THSD4: variants seen among roughly 807,000 people sequenced by gnomAD.
The protein encoded by THSD4 is thrombospondin type-1 domain-containing protein 4.
Under a neutral mutation model 119.0 loss-of-function variants are expected in THSD4, and 69 were observed. That is an observed-to-expected ratio of 0.58 (90% CI 0.48 to 0.71). The LOEUF (loss-of-function observed/expected upper bound fraction) is 0.71, where lower values mean the gene tolerates loss of function less well. Ranked by LOEUF, THSD4 falls within the 30% of genes least tolerant of loss-of-function variation. THSD4 has a pLI of 0.00. For missense variants in THSD4, 1,393 were observed against 1,391.1 expected, an observed-to-expected ratio of 1.00 and a Z score of -0.02; for synonymous variants, 524 against 540.4, an observed-to-expected ratio of 0.97 and a Z score of 0.42.
chr15:71,137,052 T>C (rs2040558169), intron 1 of THSD4, among the ~76,000 whole-genome samples: 1 of 152,176 alleles, frequency 6.6e-6, no homozygotes, highest in Non-Finnish European at 1.5e-5. Flanking sequence ...TCAACCTTCC[T>C]GTAGGATCTT....
chr15:71,378,410 A>C (rs1191827267), intron 6 of THSD4, among the ~76,000 whole-genome samples: 1 of 152,228 alleles, frequency 6.6e-6, no homozygotes, highest in Admixed American at 6.5e-5. Flanking sequence ...GGTGTGGACC[A>C]TCAGAATGGG....
Position 71,559,529 on chromosome 15 carries a change from C to T in THSD4, c.1153-101001C>T, listed in dbSNP as rs2049077473. On this transcript the variant is annotated intron_variant, in intron 7 of 17. Coordinates refer to ENST00000261862, the MANE Select transcript of THSD4 (RefSeq NM_024817.3). ...ACCTTTGCTCAATCTGCCATCTTGACCCTACATAAGACACATTTTTATCCT... is the reference window on the plus strand; with the variant it reads ...ACCTTTGCTCAATCTGCCATCTTGATCCTACATAAGACACATTTTTATCCT... Among the ~76,000 whole-genome samples, 5 of 151,676 alleles carry T rather than the reference C, an allele frequency of 3.3e-5. 1 individual carries two copies. The South Asian group carries it at 1.0e-3, about 32-fold the overall frequency.
At chr15:71,621,191 C>T (rs1163217326) in intron 7 of THSD4, among the ~76,000 whole-genome samples, 1 of 152,054 alleles carries the variant, frequency 6.6e-6, no homozygotes, top group Non-Finnish European at 1.5e-5. Flanking sequence ...CTGTGAAATA[C>T]AATATATAAT....
At chr15:71,187,182 T>G (rs1596256414) in intron 3 of THSD4, 9 of 152,508 alleles carry the variant, frequency 5.9e-5, no homozygotes. Context: ...GGCGGGAGGG[T>G]GATGACTGCA....
intron 6 of THSD4, among the ~76,000 whole-genome samples, chr15:71,411,203 C>T (rs765776892): frequency 6.6e-6 from 1 of 152,204 alleles, no homozygotes; most frequent in African/African-American, 2.4e-5. Context: ...ATTTGCATGG[C>T]GAGTCTTTGA....
intron 7 of THSD4, among the ~76,000 whole-genome samples, chr15:71,560,007 A>G (rs1444531183): frequency 2.0e-5 from 3 of 152,080 alleles, no homozygotes; most frequent in Non-Finnish European, 2.9e-5. Flanking sequence ...TTTCCTCCCT[A>G]TTGTCTTATA....
At chr15:71,542,770 G>C (rs994365817) in intron 7 of THSD4, among the ~76,000 whole-genome samples, 1 of 151,898 alleles carries the variant, frequency 6.6e-6, no homozygotes, top group Non-Finnish European at 1.5e-5. Context: ...CCAGCTACTC[G>C]GGACGCTGAG....
At chr15:71,341,688 C>G in intron 6 of THSD4, 1 of 1,349,742 alleles carries the variant, frequency 7.4e-7, no homozygotes, top group Non-Finnish European at 1.1e-6. Context: ...GTGGGGTTCT[C>G]CGGGTCAAGT....
intron 6 of THSD4, among the ~76,000 whole-genome samples, chr15:71,332,498 ACTCTGCT>A (rs2045433827): frequency 6.6e-6 from 1 of 152,066 alleles, no homozygotes. Flanking sequence ...GGAGAAAAGG[ACTCTGCT>A]CCTGGCCTTC....
chr15:71,449,286 T>A (rs886301424), intron 7 of THSD4, among the ~76,000 whole-genome samples: 7 of 152,206 alleles, frequency 4.6e-5, no homozygotes, highest in African/African-American at 1.7e-4. Flanking sequence ...TATTCAGTAC[T>A]TCTGGTTTAA....
chr15:71,337,134 G>A (rs1426943345), intron 6 of THSD4, among the ~76,000 whole-genome samples: 3 of 152,230 alleles, frequency 2.0e-5, no homozygotes, highest in East Asian at 1.9e-4. Flanking sequence ...GGCAGAGGAA[G>A]TCTGTGCATG....
At chr15:71,576,163 C>T (rs1408620456) in intron 7 of THSD4, among the ~76,000 whole-genome samples, 1 of 151,962 alleles carries the variant, frequency 6.6e-6, no homozygotes, top group Non-Finnish European at 1.5e-5. Context: ...CCATGGAGCC[C>T]TCAAAATTCT....
Position 71,748,608 on chromosome 15 carries a change from C to T in THSD4, c.2415+14C>T, listed in dbSNP as rs370826249. ...TGGAGCGAAAGGGTGAGTGTGATGG[C>T]GGGCAGAGCGCCGGGGACCGAGGTC... On this transcript the variant is annotated intron_variant, in intron 14 of 17. Transcript: ENST00000261862. The T allele has an allele frequency of 2.0e-5, 32 of 1,613,212 alleles. No individual in the cohort carries two copies. In the African/African-American group the frequency reaches 2.7e-4, roughly 13 times the overall value.
At chr15:71,359,004 C>T (rs1468316410) in intron 6 of THSD4, among the ~76,000 whole-genome samples, 1 of 152,202 alleles carries the variant, frequency 6.6e-6, no homozygotes, top group Non-Finnish European at 1.5e-5. Context: ...ATTCATTTTA[C>T]CATAGCAAAG....
intron 10 of THSD4, chr15:71,733,179 A>T (rs1242826000): frequency 6.6e-6 from 1 of 152,210 alleles, no homozygotes; most frequent in African/African-American, 2.4e-5. Flanking sequence ...GGGTTCTGGG[A>T]TCAGCTCCCT....
intron 11 of THSD4, among the ~76,000 whole-genome samples, chr15:71,740,298 G>T (rs2053210153): frequency 6.6e-6 from 1 of 152,082 alleles, no homozygotes; most frequent in Non-Finnish European, 1.5e-5. Flanking sequence ...ATATTATAGA[G>T]GTAAGCAGTA....
At chr15:71,317,342 GA>G (rs1245599520) in intron 6 of THSD4, among the ~76,000 whole-genome samples, 4 of 152,202 alleles carry the variant, frequency 2.6e-5, no homozygotes, top group Non-Finnish European at 5.9e-5. Flanking sequence ...AATTTGTAAA[GA>G]AAAAGAGGTT....
intron 7 of THSD4, among the ~76,000 whole-genome samples, chr15:71,543,562 C>T (rs2048791391): frequency 1.3e-5 from 2 of 152,128 alleles, no homozygotes; most frequent in South Asian, 4.1e-4. Context: ...ATAATGATGT[C>T]ATTTACTGAG....
chr15:71,351,540 C>G (rs1428253947), intron 6 of THSD4, among the ~76,000 whole-genome samples: 2 of 152,204 alleles, frequency 1.3e-5, no homozygotes, highest in Admixed American at 1.3e-4. Flanking sequence ...TCTTGAGTTT[C>G]TCCTGGTACA....
Sources: allele counts gnomAD v4.1 joint callset (sites outside exome capture counted in the v4.1 genomes callset), GRCh38; gene constraint gnomAD v4.1.1; transcripts MANE v1.5; gene names NCBI Gene and HGNC (gene_info 2026-07-23, HGNC 2026-07-21).